GARNL3: variants seen among roughly 807,000 people sequenced by gnomAD.
The protein encoded by GARNL3 is GTPase activating Rap/RanGAP domain like 3.
A neutral mutation model predicts 125.0 loss-of-function variants in GARNL3; 63 were observed. That is an observed-to-expected ratio of 0.50 (90% confidence interval 0.41 to 0.62). The LOEUF (loss-of-function observed/expected upper bound fraction) is 0.62. Among genes scored for constraint, GARNL3 ranks in the 20% least tolerant of loss-of-function variants. The probability of loss-of-function intolerance (pLI) is 0.00; values close to 1 mark genes in which losing one functional copy is unlikely to be tolerated. For synonymous variants in GARNL3, 439 were observed against 457.5 expected, an observed-to-expected ratio of 0.96 and a Z score of 0.52; for missense variants, 994 against 1,244.0, an observed-to-expected ratio of 0.80 and a Z score of 3.02.
intron 20 of GARNL3, 63 bp from the exon 21 acceptor site, chr9:127,357,156 C>T: frequency 6.5e-7 from 1 of 1,542,232 alleles, no homozygotes; most frequent in Non-Finnish European, 8.9e-7. Flanking sequence ...GGCAGTGGGG[C>T]TTGGCATGGA....
chr9:127,338,957 C>T (rs908216330), intron 12 of GARNL3, among the ~76,000 whole-genome samples: 4 of 152,288 alleles, frequency 2.6e-5, no homozygotes, highest in South Asian at 4.1e-4. Flanking sequence ...TGTATTACTT[C>T]ATTTTCATAC....
At chr9:127,252,806 CAG>C (rs1427319904) in intron 2 of GARNL3, among the ~76,000 whole-genome samples, 1 of 152,140 alleles carries the variant, frequency 6.6e-6, no homozygotes, top group African/African-American at 2.4e-5. Flanking sequence ...TGAATTTTGA[CAG>C]TTGTAGCTGA....
At chr9:127,354,110 G>A (rs561415188) in intron 18 of GARNL3, among the ~76,000 whole-genome samples, 166 bp downstream of exon 18, 13 of 152,248 alleles carry the variant, frequency 8.5e-5, no homozygotes, top group African/African-American at 2.6e-4. Flanking sequence ...TCTCTGGGGA[G>A]GGAAGCCGTT....
upstream of GARNL3, chr9:127,263,943 T>G: frequency 6.6e-7 from 1 of 1,517,438 alleles, no homozygotes; most frequent in Non-Finnish European, 8.8e-7. Flanking sequence ...TTTCTGCATG[T>G]GCCAAGAGGG....
chr9:127,310,704 G>A (rs1564906158), intron 2 of GARNL3, among the ~76,000 whole-genome samples: 1 of 151,632 alleles, frequency 6.6e-6, no homozygotes, highest in East Asian at 1.9e-4. Context: ...AGCCCAGGAG[G>A]TGGAGGTTGC....
intron 21 of GARNL3, among the ~76,000 whole-genome samples, chr9:127,358,893 C>G (rs1830826334): frequency 6.6e-6 from 1 of 152,156 alleles, no homozygotes. Context: ...CTTTGCAACC[C>G]TGGCTGTCAT....
At chr9:127,329,797 A>G (rs1253932107) in intron 7 of GARNL3, among the ~76,000 whole-genome samples, 1 of 152,162 alleles carries the variant, frequency 6.6e-6, no homozygotes, top group Non-Finnish European at 1.5e-5. Flanking sequence ...GCCATGCGCA[A>G]GTCCCTGTCT....
At chr9:127,324,992 G>A (rs967882591) in intron 6 of GARNL3, 77 bp from the exon 7 acceptor site, 6 of 1,413,340 alleles carry the variant, frequency 4.2e-6, no homozygotes, top group South Asian at 1.2e-5. Context: ...GCAAACCAAA[G>A]CTTGGCTTTC....
chr9:127,344,119 T>C (rs1830011487), intron 14 of GARNL3, 116 bp from the exon 15 acceptor site: 1 of 721,556 alleles, frequency 1.4e-6, no homozygotes. Flanking sequence ...ATTGAGTGAA[T>C]GAAACAGAAG....
chr9:127,365,205 G>A (rs372145470), intron 21 of GARNL3, 95 bp from the exon 22 acceptor site: 1 of 995,022 alleles, frequency 1.0e-6, no homozygotes, highest in Non-Finnish European at 1.6e-6. Flanking sequence ...GCATGACAGA[G>A]GGCCTCGGCC....
At chr9:127,274,185 A>G (rs944317245) in intron 1 of GARNL3, among the ~76,000 whole-genome samples, 1 of 152,034 alleles carries the variant, frequency 6.6e-6, no homozygotes, top group Non-Finnish European at 1.5e-5. Context: ...TCCCTACCCT[A>G]CTTTTTGATA....
chr9:127,334,119 G>A (rs1466001444), intron 9 of GARNL3, among the ~76,000 whole-genome samples: 1 of 152,132 alleles, frequency 6.6e-6, no homozygotes, highest in Non-Finnish European at 1.5e-5. Context: ...CTGGGTAGCT[G>A]GGTGGGGTTG....
intron 22 of GARNL3, among the ~76,000 whole-genome samples, chr9:127,373,777 A>G (rs1483206533): frequency 6.6e-6 from 1 of 151,930 alleles, no homozygotes; most frequent in Non-Finnish European, 1.5e-5. Flanking sequence ...TAATCCCAAC[A>G]CTTTGGGAGG....
At chr9:127,337,213 G>A (rs1402135874) in intron 11 of GARNL3, among the ~76,000 whole-genome samples, 1 of 151,964 alleles carries the variant, frequency 6.6e-6, no homozygotes, top group Non-Finnish European at 1.5e-5. Context: ...CTGTCCCCTG[G>A]GATTTAGGAC....
intron 2 of GARNL3, among the ~76,000 whole-genome samples, chr9:127,302,590 C>CA (rs1300460416): frequency 4.0e-5 from 6 of 151,722 alleles, no homozygotes; most frequent in South Asian, 2.1e-4. Context: ...TTCTTAAAAA[C>CA]AAAAAAATGG....
chr9:127,294,294 G>A (rs747326780), intron 2 of GARNL3, among the ~76,000 whole-genome samples: 2 of 152,114 alleles, frequency 1.3e-5, no homozygotes, highest in Non-Finnish European at 2.9e-5. Flanking sequence ...AAGCACTCCA[G>A]TGCTTTTTTC....
intron 2 of GARNL3, among the ~76,000 whole-genome samples, chr9:127,248,852 C>A (rs1336199567): frequency 6.6e-6 from 1 of 151,974 alleles, no homozygotes; most frequent in African/African-American, 2.4e-5. Flanking sequence ...TCAAAGAGAT[C>A]TGCCTGCCTC....
At chr9:127,369,644 C>T (rs908541976) in intron 22 of GARNL3, among the ~76,000 whole-genome samples, 8 of 152,090 alleles carry the variant, frequency 5.3e-5, no homozygotes, top group African/African-American at 1.7e-4. Context: ...CAAGAGCGGG[C>T]GTCTCTGGAA....
intron 22 of GARNL3, among the ~76,000 whole-genome samples, chr9:127,380,377 A>G (rs2131804961): frequency 6.6e-6 from 1 of 152,354 alleles, no homozygotes; most frequent in East Asian, 1.9e-4. Flanking sequence ...ATATAGATAC[A>G]AAGTATTTAA....
Sources: allele counts gnomAD v4.1 joint callset (sites outside exome capture counted in the v4.1 genomes callset), GRCh38; gene constraint gnomAD v4.1.1; transcripts MANE v1.5; gene names NCBI Gene and HGNC (gene_info 2026-07-23, HGNC 2026-07-21).